Variants in IFT57 observed in about 807,000 individuals in gnomAD.
The protein encoded by IFT57 is intraflagellar transport protein 57 homolog.
Under a neutral mutation model 56.8 loss-of-function variants are expected in IFT57, and 59 were observed. The observed-to-expected ratio is 1.04, with a 90% confidence interval of 0.84 to 1.29. The LOEUF is 1.29. Among genes scored for constraint, IFT57 ranks in the 50% most tolerant of loss-of-function variants. The pLI is 0.00. For missense variants in IFT57, 470 were observed against 522.1 expected (o/e 0.90, Z 0.97); for synonymous variants, 209 against 186.1 (o/e 1.12, Z -1.00).
chr3:108,209,137 G>C (rs2080329447), intron 4 of IFT57, among the ~76,000 whole-genome samples: 1 of 152,148 alleles, frequency 6.6e-6, no homozygotes, highest in Non-Finnish European at 1.5e-5. Flanking sequence ...AATGAGAATT[G>C]TGATTGTTAT....
intron 10 of IFT57, among the ~76,000 whole-genome samples, chr3:108,163,268 C>T (rs150205857): frequency 1.5e-4 from 23 of 152,138 alleles, no homozygotes; most frequent in South Asian, 6.2e-4. Context: ...AAATAAACTA[C>T]GGGTTATCAC....
At chr3:108,164,094 T>A (rs2080048173) in intron 9 of IFT57, among the ~76,000 whole-genome samples, 1 of 152,056 alleles carries the variant, frequency 6.6e-6, no homozygotes, top group Non-Finnish European at 1.5e-5. Context: ...AGTATAAACA[T>A]CCTGAAGAGA....
intron 5 of IFT57, among the ~76,000 whole-genome samples, chr3:108,204,446 G>A (rs771745855): frequency 1.6e-4 from 24 of 152,118 alleles, no homozygotes; most frequent in Non-Finnish European, 3.2e-4. Context: ...TTGGTGTACT[G>A]GCAGAAGCAA....
chr3:108,164,238 C>T (rs1420256522), intron 9 of IFT57, among the ~76,000 whole-genome samples: 1 of 151,906 alleles, frequency 6.6e-6, no homozygotes, highest in Admixed American at 6.6e-5. Flanking sequence ...ATTCTTATTG[C>T]TTTATCCAAA....
intron 6 of IFT57, among the ~76,000 whole-genome samples, chr3:108,190,456 T>C (rs2080209356): frequency 1.3e-5 from 2 of 152,162 alleles, no homozygotes; most frequent in African/African-American, 4.8e-5. Flanking sequence ...TCTCACAAGA[T>C]CTGATGGTTT....
intron 2 of IFT57, among the ~76,000 whole-genome samples, chr3:108,219,073 T>C (rs2080389853): frequency 6.6e-6 from 1 of 151,966 alleles, no homozygotes; most frequent in Non-Finnish European, 1.5e-5. Flanking sequence ...TGGTCTTAAG[T>C]ACAAGTTCCC....
intron 6 of IFT57, among the ~76,000 whole-genome samples, chr3:108,190,161 C>T (rs1378928011): frequency 6.6e-6 from 1 of 152,174 alleles, no homozygotes; most frequent in Non-Finnish European, 1.5e-5. Flanking sequence ...GTGGAAGGGA[C>T]TTGCCTTGTC....
chr3:108,218,215 T>C (rs1241155016), intron 3 of IFT57, among the ~76,000 whole-genome samples: 1 of 151,846 alleles, frequency 6.6e-6, no homozygotes, highest in Non-Finnish European at 1.5e-5. Flanking sequence ...TATGTTTGTG[T>C]GTGTGAACAT....
intron 6 of IFT57, among the ~76,000 whole-genome samples, chr3:108,169,311 T>C (rs2080080289): frequency 6.6e-6 from 1 of 152,040 alleles, no homozygotes; most frequent in African/African-American, 2.4e-5. Context: ...CGTCTGTTCA[T>C]ATCCTTTGCC....
intron 5 of IFT57, among the ~76,000 whole-genome samples, chr3:108,202,865 A>G (rs1171281831): frequency 6.6e-6 from 1 of 152,224 alleles, no homozygotes; most frequent in Non-Finnish European, 1.5e-5. Flanking sequence ...CATCATCAGT[A>G]GGAGGAACAT....
At chr3:108,210,792 G>T (rs1287636639) in intron 4 of IFT57, among the ~76,000 whole-genome samples, 1 of 152,084 alleles carries the variant, frequency 6.6e-6, no homozygotes, top group African/African-American at 2.4e-5. Flanking sequence ...AAGAAGAAAA[G>T]AAATTCAAGA....
At chr3:108,203,441 T>C (rs1412693844) in intron 5 of IFT57, among the ~76,000 whole-genome samples, 5 of 152,232 alleles carry the variant, frequency 3.3e-5, no homozygotes, top group Admixed American at 3.3e-4. Flanking sequence ...CTTGGGATTA[T>C]CATGATACTT....
intron 9 of IFT57, among the ~76,000 whole-genome samples, chr3:108,164,891 A>T (rs1016659116): frequency 2.0e-5 from 3 of 152,032 alleles, no homozygotes; most frequent in African/African-American, 7.2e-5. Flanking sequence ...TTGGCTCTTC[A>T]GTGAAAAATG....
chr3:108,221,585 C>A (rs2080405589), intron 1 of IFT57, among the ~76,000 whole-genome samples: 1 of 152,176 alleles, frequency 6.6e-6, no homozygotes. Flanking sequence ...AGTTTACTAA[C>A]CGCATTTAAA....
Position 108,222,185 on chromosome 3 carries a change from G to GT in IFT57, c.137dup (p.Asp46GlufsTer51). ...GGAGCAGCTTCAGCTTCTCCACCAAGTCCTCCATCACCACGAACATGTGGT... is the reference window on the plus strand; with the variant it reads ...GGAGCAGCTTCAGCTTCTCCACCAAGTTCCTCCATCACCACGAACATGTGGT... On this transcript the variant is annotated frameshift_variant, in exon 1 of 11. Transcript: ENST00000264538. LOFTEE classifies it high-confidence loss of function. 1 of 1,614,094 alleles carries GT rather than the reference G, an allele frequency of 6.2e-7. No individual in the cohort carries two copies. Among genetic ancestry groups the GT allele is most frequent in the Non-Finnish European group, 8.5e-7 (1 of 1,180,010 alleles).
chr3:108,183,168 T>C (rs929799161), intron 6 of IFT57, among the ~76,000 whole-genome samples: 11 of 152,204 alleles, frequency 7.2e-5, no homozygotes, highest in African/African-American at 1.4e-4. Flanking sequence ...TTGGTTTCCA[T>C]TGTGATTTAA....
intron 6 of IFT57, among the ~76,000 whole-genome samples, chr3:108,183,382 C>T (rs1283056067): frequency 1.3e-5 from 2 of 152,120 alleles, no homozygotes; most frequent in Non-Finnish European, 2.9e-5. Context: ...AAACCACAGC[C>T]TCTGTAGCAA....
chr3:108,171,313 T>G (rs1427215988), intron 6 of IFT57, among the ~76,000 whole-genome samples: 4 of 151,992 alleles, frequency 2.6e-5, no homozygotes, highest in African/African-American at 9.6e-5. Context: ...TAGCTATTGG[T>G]GCACCTGGAT....
At chr3:108,219,719 G>A (rs2080395216) in intron 1 of IFT57, 147 bp from the exon 2 acceptor site, 1 of 784,938 alleles carries the variant, frequency 1.3e-6, no homozygotes, top group Non-Finnish European at 2.0e-6. Context: ...ACCCTTTGAA[G>A]TTTCCAGTAA....
Sources: allele counts gnomAD v4.1 joint callset (sites outside exome capture counted in the v4.1 genomes callset), GRCh38; gene constraint gnomAD v4.1.1; transcripts MANE v1.5; gene names NCBI Gene and HGNC (gene_info 2026-07-23, HGNC 2026-07-21).